The following WWOX variants were observed in gnomAD, a reference collection of about 807,000 sequenced individuals.
The protein encoded by WWOX is WW domain containing oxidoreductase.
A neutral mutation model predicts 46.2 loss-of-function variants in WWOX; 69 were observed. The ratio of observed to expected loss-of-function variants is 1.49; its 90% CI spans 1.23 to 1.82. WWOX has a LOEUF of 1.82. WWOX is among the 40% of genes most tolerant of loss of function. WWOX has a pLI of 0.00. For missense variants in WWOX, 919 were observed against 542.6 expected (o/e 1.69, Z -6.89); for synonymous variants, 359 against 202.6 (o/e 1.77, Z -6.56).
rs1040546101 is a variant in WWOX, at chr16:78,623,408, G to A, written c.1056+190656G>A. Among the ~76,000 whole-genome samples, 6 of 152,192 alleles carry A rather than the reference G, an allele frequency of 3.9e-5. No individual in the cohort carries two copies. The South Asian group carries it at 8.3e-4, about 21-fold the overall frequency. ...AAACCTGTACTCTTTGGCCAGACAC[G>A]GTGGCTCATGCCTGTCATTCCAGCA... On this transcript the variant is annotated intron_variant, in intron 8 of 8. Coordinates refer to ENST00000566780, the MANE Select transcript of WWOX (RefSeq NM_016373.4).
At position 78,778,010 on chromosome 16, in the gene WWOX, A is replaced by C. The variant is rs113988577; in HGVS notation, c.1056+345258A>C. Among the ~76,000 whole-genome samples, 300 of 142,174 alleles carry C rather than the reference A, an allele frequency of 2.1e-3. 2 individuals carry two copies. Among genetic ancestry groups the C allele is most frequent in the African/African-American group, 7.7e-3 (292 of 37,804 alleles). The allele number at this position is 142,174 out of a possible 152,430, so 93.3% of individuals were successfully genotyped here. On this transcript the variant is annotated intron_variant, in intron 8 of 8. Transcript: ENST00000566780. ...TAGTGAGCCAAGATCGCATCACTGC[A>C]CTCCAGCCTGGGTGACAGAGTGAGA...
At chr16:78,322,024 A>C (rs1251097570) in intron 5 of WWOX, among the ~76,000 whole-genome samples, 2 of 152,204 alleles carry the variant, frequency 1.3e-5, no homozygotes, top group Non-Finnish European at 2.9e-5. Context: ...ACAGCAGCTA[A>C]AGTGGACAGA....
chr16:78,137,626 A>G (rs1241848749), intron 4 of WWOX, among the ~76,000 whole-genome samples: 1 of 152,148 alleles, frequency 6.6e-6, no homozygotes, highest in Non-Finnish European at 1.5e-5. Flanking sequence ...GTTAAGATGC[A>G]CCGTCATATG....
At chr16:78,402,373 G>T (rs1029834639) in intron 6 of WWOX, among the ~76,000 whole-genome samples, 5 of 152,162 alleles carry the variant, frequency 3.3e-5, no homozygotes, top group Non-Finnish European at 7.3e-5. Context: ...TGTTTATCTG[G>T]TTGTCAGTCG....
chr16:78,726,660 A>C (rs12446962), intron 8 of WWOX, among the ~76,000 whole-genome samples: 1 of 151,726 alleles, frequency 6.6e-6, no homozygotes, highest in Non-Finnish European at 1.5e-5. Context: ...CAACTAAACA[A>C]TTTATTAGGG....
At chr16:78,380,490 A>G (rs913451237) in intron 5 of WWOX, among the ~76,000 whole-genome samples, 1 of 152,272 alleles carries the variant, frequency 6.6e-6, no homozygotes, top group African/African-American at 2.4e-5. Flanking sequence ...TCATTGGGCC[A>G]GTGACGACCC....
chr16:78,711,476 A>C (rs1233016198), intron 8 of WWOX, among the ~76,000 whole-genome samples: 1 of 152,198 alleles, frequency 6.6e-6, no homozygotes. Flanking sequence ...GAATGTATCA[A>C]CTAAGAAGAC....
At chr16:78,357,795 C>G (rs1433754949) in intron 5 of WWOX, among the ~76,000 whole-genome samples, 4 of 152,112 alleles carry the variant, frequency 2.6e-5, no homozygotes. Flanking sequence ...GTAATTATTC[C>G]CATTTCACCC....
At chr16:78,952,095 G>T (rs529217341) in intron 8 of WWOX, among the ~76,000 whole-genome samples, 1 of 152,122 alleles carries the variant, frequency 6.6e-6, no homozygotes, top group African/African-American at 2.4e-5. Context: ...CAGTGACCTA[G>T]CCCCCGTGTA....
chr16:78,919,428 G>C (rs2045325454), intron 8 of WWOX, among the ~76,000 whole-genome samples: 1 of 151,832 alleles, frequency 6.6e-6, no homozygotes, highest in Non-Finnish European at 1.5e-5. Context: ...ATCACCATTG[G>C]TAGATCATCA....
intron 8 of WWOX, among the ~76,000 whole-genome samples, chr16:78,641,120 G>T (rs2046697750): frequency 6.6e-6 from 1 of 152,118 alleles, no homozygotes; most frequent in Non-Finnish European, 1.5e-5. Context: ...CTGTGGTTGT[G>T]AACAGGTGCC....
intron 5 of WWOX, among the ~76,000 whole-genome samples, chr16:78,200,345 T>TG (rs34841999): frequency 0.23 from 34,728 of 151,168 alleles, 4,468 homozygotes; most frequent in African/African-American, 0.35. Context: ...CTATAAAGGT[T>TG]GGGGCATTCG....
chr16:78,656,553 T>G (rs1233431386), intron 8 of WWOX, among the ~76,000 whole-genome samples: 1 of 152,114 alleles, frequency 6.6e-6, no homozygotes, highest in Non-Finnish European at 1.5e-5. Flanking sequence ...ACTACCCACT[T>G]TTAAACAACC....
chr16:78,571,868 A>G (rs528067128), intron 8 of WWOX, among the ~76,000 whole-genome samples: 1 of 152,276 alleles, frequency 6.6e-6, no homozygotes, highest in African/African-American at 2.4e-5. Flanking sequence ...TCCATCTCAA[A>G]AAAAGGCATT....
intron 8 of WWOX, among the ~76,000 whole-genome samples, chr16:78,762,703 C>T (rs540723547): frequency 3.9e-5 from 6 of 152,282 alleles, no homozygotes; most frequent in East Asian, 3.9e-4. Flanking sequence ...CTGAGAACAG[C>T]AGCTCTGAAT....
chr16:78,995,603 A>G (rs2046974321), intron 8 of WWOX, among the ~76,000 whole-genome samples: 1 of 152,158 alleles, frequency 6.6e-6, no homozygotes, highest in Non-Finnish European at 1.5e-5. Context: ...GAGAAAGAGA[A>G]AAAACTGCAA....
chr16:79,133,773 A>G (rs1244315440), intron 8 of WWOX, among the ~76,000 whole-genome samples: 1 of 152,204 alleles, frequency 6.6e-6, no homozygotes, highest in Non-Finnish European at 1.5e-5. Context: ...GTATTACTTA[A>G]CTAGGCGTAT....
At chr16:79,040,427 C>T (rs2047948904) in intron 8 of WWOX, among the ~76,000 whole-genome samples, 1 of 151,988 alleles carries the variant, frequency 6.6e-6, no homozygotes, top group Admixed American at 6.6e-5. Flanking sequence ...GGATGCACCA[C>T]CATGGCCAGA....
intron 5 of WWOX, among the ~76,000 whole-genome samples, chr16:78,343,528 T>A (rs2081049665): frequency 8.3e-6 from 1 of 121,084 alleles, no homozygotes; most frequent in African/African-American, 2.8e-5. Context: ...GTCTTAAAGC[T>A]TCTGGGCACA....
Sources: gnomAD v4.1 joint callset for allele counts (sites outside exome capture counted in the v4.1 genomes callset) on GRCh38, gnomAD v4.1.1 for gene constraint, MANE v1.5 for transcripts, NCBI Gene and HGNC (gene_info 2026-07-23, HGNC 2026-07-21) for gene names.